FBN1: variants seen among roughly 807,000 people sequenced by gnomAD.
FBN1 encodes fibrillin 1.
Under a neutral mutation model 365.1 loss-of-function variants are expected in FBN1, and 29 were observed. The ratio of observed to expected loss-of-function variants is 0.08; its 90% CI spans 0.06 to 0.11. The LOEUF (loss-of-function observed/expected upper bound fraction) is 0.11, where lower values mean the gene tolerates loss of function less well. FBN1 is among the 10% of genes least tolerant of loss of function. The pLI, the probability that FBN1 is intolerant of heterozygous loss-of-function variation, is 1.00. For synonymous variants in FBN1, 1,210 were observed against 1,270.5 expected, an observed-to-expected ratio of 0.95 and a Z score of 1.01; for missense variants, 2,476 against 3,703.2, an observed-to-expected ratio of 0.67 and a Z score of 8.60.
intron 2 of FBN1, among the ~76,000 whole-genome samples, chr15:48,620,648 T>C (rs911101810): frequency 1.6e-4 from 24 of 152,198 alleles, no homozygotes; most frequent in Admixed American, 8.5e-4. Context: ...CTAATGATCA[T>C]TTTTGATAGA....
At chr15:48,512,740 ATTTAAC>A (rs2043770892) in intron 13 of FBN1, among the ~76,000 whole-genome samples, 1 of 150,868 alleles carries the variant, frequency 6.6e-6, no homozygotes, top group Non-Finnish European at 1.5e-5. Context: ...GGGCCCTTTT[ATTTAAC>A]TTTAACAGAG....
At chr15:48,506,185 T>G (rs1243742820) in intron 15 of FBN1, among the ~76,000 whole-genome samples, 1 of 151,994 alleles carries the variant, frequency 6.6e-6, no homozygotes, top group Non-Finnish European at 1.5e-5. Flanking sequence ...ATTGTGCCAC[T>G]GCACTCCATC....
chr15:48,454,018 T>A (rs1265965762), intron 44 of FBN1, among the ~76,000 whole-genome samples: 1 of 152,188 alleles, frequency 6.6e-6, no homozygotes, highest in Non-Finnish European at 1.5e-5. Flanking sequence ...TAGATTAATA[T>A]CCTAGGAAGC....
At chr15:48,475,236 A>C (rs58348500) in intron 32 of FBN1, among the ~76,000 whole-genome samples, 2,754 of 152,268 alleles carry the variant, frequency 0.018, 72 homozygotes, top group African/African-American at 0.059. Flanking sequence ...ACAGTATATA[A>C]GCCATCTTTT....
chr15:48,494,083 T>A (rs2043582723), intron 23 of FBN1, 121 bp downstream of exon 23: 1 of 770,192 alleles, frequency 1.3e-6, no homozygotes, highest in African/African-American at 1.7e-5. Context: ...GTTCTCATTA[T>A]TTTTTTTCTC....
At chr15:48,615,472 G>A (rs1471296834) in intron 2 of FBN1, among the ~76,000 whole-genome samples, 1 of 151,974 alleles carries the variant, frequency 6.6e-6, no homozygotes, top group African/African-American at 2.4e-5. Context: ...AAAAAGCATG[G>A]TAATATAAAC....
intron 31 of FBN1, among the ~76,000 whole-genome samples, chr15:48,482,092 T>C (rs531058440): frequency 6.6e-6 from 1 of 152,336 alleles, no homozygotes; most frequent in African/African-American, 2.4e-5. Context: ...GCATACTCTA[T>C]TGCAGGATGA....
At chr15:48,430,212 A>G (rs939018306) in intron 56 of FBN1, among the ~76,000 whole-genome samples, 2 of 152,224 alleles carry the variant, frequency 1.3e-5, no homozygotes, top group Non-Finnish European at 2.9e-5. Context: ...AGCTTTAAAA[A>G]AATATCAGTG....
At chr15:48,421,829 C>T in intron 61 of FBN1, 123 bp downstream of exon 61, 3 of 1,149,342 alleles carry the variant, frequency 2.6e-6, no homozygotes, top group Non-Finnish European at 3.9e-6. Context: ...TGTGCTCACA[C>T]ATACATGCAC....
At position 48,534,168 on chromosome 15, in the gene FBN1, C is replaced by A; in HGVS notation, c.774G>T (p.Gln258His). ...DECQAIPGLC[Q>H]GGNCINTVGS... Reference sequence around the variant, plus strand: ...CAACAGTATTAATGCAATTTCCTCCCTGACAGAGCCCGGGGATGGCCTGGC... The same window carrying A: ...CAACAGTATTAATGCAATTTCCTCCATGACAGAGCCCGGGGATGGCCTGGC... The change falls in exon 8 of 66, where the codon CAG becomes CAT. Residue 258 changes from glutamine to histidine, a missense_variant. Coordinates refer to ENST00000316623, the MANE Select transcript of FBN1 (RefSeq NM_000138.5). 1 of 1,613,858 alleles carries A rather than the reference C, an allele frequency of 6.2e-7. No homozygotes were observed. Among genetic ancestry groups the A allele is most frequent in the Non-Finnish European group, 8.5e-7 (1 of 1,179,938 alleles).
chr15:48,488,361 A>G lies in FBN1; in HGVS notation c.3208+7T>C. ...CCTCTCCTGGCCCTTAAGGCTCATT[A>G]ACTGACCTGTGCAGTTCCTTTCTTC... On this transcript the variant is annotated splice_region_variant and intron_variant, in intron 26 of 65. Transcript: ENST00000316623. 3 of 1,614,250 alleles carry G rather than the reference A, an allele frequency of 1.9e-6. No individual in the cohort carries two copies. Among genetic ancestry groups the G allele is most frequent in the Non-Finnish European group, 2.5e-6 (3 of 1,180,044 alleles).
Position 48,463,136 on chromosome 15 carries a change from T to G in FBN1, c.5170A>C (p.Asn1724His). The G allele has an allele frequency of 6.2e-7, 1 of 1,614,156 alleles. No homozygotes were observed. Among genetic ancestry groups the G allele is most frequent in the Non-Finnish European group, 8.5e-7 (1 of 1,179,972 alleles). ...GGCTTGTTCCACGCCCGGCCAATGTTGTAGGAACAGCAGCACATCTTCTTG... is the reference window on the plus strand; with the variant it reads ...GGCTTGTTCCACGCCCGGCCAATGTGGTAGGAACAGCAGCACATCTTCTTG... ...MTKKMCCCSYNIGRAWNKPCE... is the reference protein window; with the variant it reads ...MTKKMCCCSYHIGRAWNKPCE... Residue 1724 changes from asparagine to histidine, a missense_variant, in exon 42 of 66, where the codon AAC (asparagine) becomes CAC (histidine). Asn to His is a moderately conservative substitution (Grantham distance 68). Coordinates refer to ENST00000316623, the MANE Select transcript of FBN1 (RefSeq NM_000138.5).
chr15:48,420,778 G>A lies in FBN1; in HGVS notation c.7728C>T (p.Arg2576=), dbSNP rs751226629. The A allele has an allele frequency of 2.5e-6, 4 of 1,614,098 alleles. No homozygotes were observed. Among genetic ancestry groups the A allele is most frequent in the Non-Finnish European group, 3.4e-6 (4 of 1,180,012 alleles). Residue 2576 remains arginine (R), a synonymous_variant, in exon 63 of 66, where the codon CGC becomes CGT. Transcript: ENST00000316623. ...TGATGTTCTGGCAGCCATGCTGGCA[G>A]CGGTGGTTACCCTCACACTCGTCCA... The part of the protein sequence containing the change: ...EDVDECEGNH[R]CQHGCQNIIG...
intron 65 of FBN1, 114 bp from the exon 66 acceptor site, chr15:48,411,493 C>A: frequency 1.1e-6 from 1 of 911,016 alleles, no homozygotes; most frequent in Non-Finnish European, 1.8e-6. Flanking sequence ...CCTTATGCTG[C>A]ATACACAATA....
At chr15:48,501,566 T>C (rs550815445) in intron 17 of FBN1, among the ~76,000 whole-genome samples, 9 of 152,322 alleles carry the variant, frequency 5.9e-5, no homozygotes, top group Admixed American at 2.6e-4. Context: ...AGAAATCTGG[T>C]CTTTTGGTCA....
At chr15:48,625,676 G>A (rs1832167545) in intron 2 of FBN1, among the ~76,000 whole-genome samples, 1 of 152,150 alleles carries the variant, frequency 6.6e-6, no homozygotes, top group South Asian at 2.1e-4. Flanking sequence ...CAGTATCCTG[G>A]ACTGGCTCAC....
chr15:48,420,255 C>A (rs1367892502), intron 63 of FBN1, among the ~76,000 whole-genome samples: 2 of 152,184 alleles, frequency 1.3e-5, no homozygotes, highest in Non-Finnish European at 2.9e-5. Context: ...TTCCTGCTTG[C>A]GCTCTGTCTC....
intron 32 of FBN1, among the ~76,000 whole-genome samples, chr15:48,475,023 G>C (rs1478009572): frequency 6.6e-6 from 1 of 150,630 alleles, no homozygotes; most frequent in Non-Finnish European, 1.5e-5. Flanking sequence ...CAACTATGGA[G>C]TAATGATGCA....
At chr15:48,504,896 T>C (rs2043695060) in intron 16 of FBN1, 129 bp downstream of exon 16, 3 of 1,216,794 alleles carry the variant, frequency 2.5e-6, no homozygotes, top group South Asian at 2.5e-5. Flanking sequence ...ACTGACCCTG[T>C]TGGTTTGTTG....
Sources: gnomAD v4.1 joint callset for allele counts (sites outside exome capture counted in the v4.1 genomes callset) on GRCh38, gnomAD v4.1.1 for gene constraint, MANE v1.5 for transcripts, NCBI Gene and HGNC (gene_info 2026-07-23, HGNC 2026-07-21) for gene names.